TBC1D16: variants seen among roughly 807,000 people sequenced by gnomAD.
TBC1D16 encodes the protein TBC1 domain family member 16, also known as CTD-2529O21.1.
TBC1D16 carries 58 observed loss-of-function variants against 74.7 expected under a neutral mutation model. The observed-to-expected ratio is 0.78, with a 90% CI of 0.63 to 0.97. The LOEUF (loss-of-function observed/expected upper bound fraction) is 0.97. Among genes scored for constraint, TBC1D16 ranks in the 50% least tolerant of loss-of-function variants. The pLI is 0.00. For missense variants in TBC1D16, 1,014 were observed against 1,079.5 expected (o/e 0.94, Z 0.85); for synonymous variants, 493 against 474.7 (o/e 1.04, Z -0.50).
At position 79,937,483 on chromosome 17, in the gene TBC1D16, T is replaced by A. The variant is rs59203028; in HGVS notation, c.*3376A>T. The stretch of plus-strand genomic sequence containing the variant: ...GTGGAGGTCCTCTCCCTCCTGGACA[T>A]GGAAACCTCCCCCTGCCTGGCACTT... On this transcript the variant is annotated 3_prime_UTR_variant, in exon 12 of 12. Coordinates refer to ENST00000310924, the MANE Select transcript of TBC1D16 (RefSeq NM_019020.4). The A allele has an allele frequency of 0.13, 19,883 of 152,242 alleles. 1,596 individuals are homozygous for A. The highest frequency in any genetic ancestry group is 0.2 in the Middle Eastern group (58 of 294). The allele number at this position is 152,242 out of a possible 1,614,324, so 9.4% of individuals were successfully genotyped here.
chr17:79,942,304 G>C (rs746555216), intron 10 of TBC1D16, 98 bp from the exon 11 acceptor site: 58 of 1,330,452 alleles, frequency 4.4e-5, no homozygotes, highest in Non-Finnish European at 4.9e-5. Flanking sequence ...GAGGGCTCCA[G>C]GGCGAGGGGT....
intron 1 of TBC1D16, among the ~76,000 whole-genome samples, chr17:80,026,966 G>T (rs1297232015): frequency 7.2e-6 from 1 of 138,898 alleles, no homozygotes; most frequent in Non-Finnish European, 1.5e-5. Flanking sequence ...GCAGCCAGCA[G>T]AACTCCTAAG....
chr17:79,972,887 G>C (rs114633469), intron 3 of TBC1D16, among the ~76,000 whole-genome samples: 3,904 of 152,110 alleles, frequency 0.026, 151 homozygotes, highest in African/African-American at 0.088. Flanking sequence ...TTCGGGACCA[G>C]CCTGGGTAAC....
chr17:80,006,079 G>A (rs1227548090), intron 3 of TBC1D16, among the ~76,000 whole-genome samples: 2 of 152,146 alleles, frequency 1.3e-5, no homozygotes, highest in Non-Finnish European at 2.9e-5. Context: ...TCAGAGTGGC[G>A]ATGGGTGCAC....
At chr17:79,942,960 T>C (rs2143443043) in intron 10 of TBC1D16, among the ~76,000 whole-genome samples, 1 of 152,358 alleles carries the variant, frequency 6.6e-6, no homozygotes, top group Non-Finnish European at 1.5e-5. Flanking sequence ...CTGCATCCTG[T>C]GTGCTCTCCG....
At chr17:80,012,961 C>T (rs538917085) in intron 2 of TBC1D16, among the ~76,000 whole-genome samples, 1 of 152,212 alleles carries the variant, frequency 6.6e-6, no homozygotes, top group Middle Eastern at 3.2e-3. Flanking sequence ...CTCAGCCTCT[C>T]TGAACACCAG....
rs927675850 is a variant in TBC1D16 at position 79,940,457 on chromosome 17, A to G, written c.*402T>C. The G allele has an allele frequency of 9.2e-5, 15 of 163,540 alleles. No individual in the cohort carries two copies. Among genetic ancestry groups the G allele is most frequent in the Non-Finnish European group, 1.8e-4 (14 of 75,748 alleles). 10.1% of individuals were successfully genotyped at this position (163,540 alleles called of 1,614,324 possible). ...CGCTGTGTTCTGCAGCCCTCGACGC[A>G]GTGGGTGAGTGAGGCCTTCCTCTCC... On this transcript the variant is annotated 3_prime_UTR_variant, in exon 12 of 12. Coordinates refer to ENST00000310924, the MANE Select transcript of TBC1D16 (RefSeq NM_019020.4). This position sits in a 1 kb window ranked among gnomAD's most constrained non-coding sequence, Gnocchi z 5.4.
In TBC1D16 at chr17:79,954,975, G is replaced by A. The variant is rs1394696585; in HGVS notation, c.780-2157C>T. ...GTCACGGATGGAGGGCCCCCTCCCTGCTGCCGTGGCCACAGAAGACTGGTC... is the reference window on the plus strand; with the variant it reads ...GTCACGGATGGAGGGCCCCCTCCCTACTGCCGTGGCCACAGAAGACTGGTC... On this transcript the variant is annotated intron_variant, in intron 3 of 11. Transcript: ENST00000310924. The surrounding 1 kb of genome is among the most constrained non-coding windows in gnomAD (Gnocchi z 5.5). 6.6e-6 allele frequency among the ~76,000 whole-genome samples: 1 copy of A among 152,002 alleles called. No homozygotes were observed. Among genetic ancestry groups the A allele is most frequent in the Admixed American group, 6.5e-5 (1 of 15,276 alleles).
chr17:79,982,296 G>A (rs1045443022), intron 3 of TBC1D16, among the ~76,000 whole-genome samples: 25 of 151,344 alleles, frequency 1.7e-4, no homozygotes, highest in African/African-American at 6.1e-4. Flanking sequence ...ACATGCGCCC[G>A]CCATCAAGCC....
intron 3 of TBC1D16, among the ~76,000 whole-genome samples, chr17:80,002,041 G>A (rs1324434567): frequency 6.6e-6 from 1 of 152,188 alleles, no homozygotes; most frequent in African/African-American, 2.4e-5. Context: ...TGCCTGGAGG[G>A]TTGGGCAGAA....
chr17:80,024,180 C>T lies in TBC1D16; in HGVS notation c.-62-10571G>A. Among the ~76,000 whole-genome samples, 2 of 150,114 alleles carry T rather than the reference C, an allele frequency of 1.3e-5. 1 individual carries two copies. The highest frequency in any genetic ancestry group is 5.1e-5 in the African/African-American group (2 of 39,536). Reference sequence around the variant, plus strand: ...CCCAACCAGAGGCCCCACTTCAGCCCACCAGGCAGGACTGCAGCGGGGCAC... The same window carrying T: ...CCCAACCAGAGGCCCCACTTCAGCCTACCAGGCAGGACTGCAGCGGGGCAC... On this transcript the variant is annotated intron_variant, in intron 1 of 11. Coordinates refer to ENST00000310924, the MANE Select transcript of TBC1D16 (RefSeq NM_019020.4).
rs2035786018 is a variant in TBC1D16 at position 80,009,144 on chromosome 17, G to A, written c.779+1016C>T. ...AGCCCACGGTGTCCAGCGCCCAGGC[G>A]AGACCCAGACCACCCACGTCCAGCA... On this transcript the variant is annotated intron_variant, in intron 3 of 11. Transcript: ENST00000310924. The surrounding 1 kb of genome is among the most constrained non-coding windows in gnomAD (Gnocchi z 5.4). Among the ~76,000 whole-genome samples the A allele has an allele frequency of 6.6e-6, 1 of 152,238 alleles. No homozygotes were observed. The highest frequency in any genetic ancestry group is 1.5e-5 in the Non-Finnish European group (1 of 68,038).
At position 79,987,159 on chromosome 17, in the gene TBC1D16, C is replaced by T. The variant is rs1013190669; in HGVS notation, c.779+23001G>A. 5.9e-5 allele frequency among the ~76,000 whole-genome samples: 9 copies of T among 152,142 alleles called. No homozygotes were observed. Among genetic ancestry groups the T allele is most frequent in the Admixed American group, 5.9e-4 (9 of 15,278 alleles). ...TGGATGGTCTTTCCAGGCCCTCATCCCAAACTCAAGCACTGGAGAAAATTG... is the reference window on the plus strand; with the variant it reads ...TGGATGGTCTTTCCAGGCCCTCATCTCAAACTCAAGCACTGGAGAAAATTG... On this transcript the variant is annotated intron_variant, in intron 3 of 11. Transcript: ENST00000310924. The surrounding 1 kb of genome is among the most constrained non-coding windows in gnomAD (Gnocchi z 5.2).
intron 1 of TBC1D16, among the ~76,000 whole-genome samples, chr17:80,029,613 C>T (rs890340809): frequency 1.3e-5 from 2 of 152,152 alleles, no homozygotes; most frequent in African/African-American, 4.8e-5. Context: ...AAAAGAGAGT[C>T]CTCCTCAATG....
At chr17:80,017,067 C>T (rs1276008143) in intron 1 of TBC1D16, among the ~76,000 whole-genome samples, 1 of 152,140 alleles carries the variant, frequency 6.6e-6, no homozygotes, top group Non-Finnish European at 1.5e-5. Flanking sequence ...CTCATCCACT[C>T]AGCTCTCCCT....
chr17:80,025,080 T>TGACACACAAAC (rs1568649770), intron 1 of TBC1D16, among the ~76,000 whole-genome samples: 4 of 30,302 alleles, frequency 1.3e-4, no homozygotes, highest in African/African-American at 7.2e-4. Context: ...CACACACACA[T>TGACACACAAAC]ACCATGACAC....
At chr17:79,997,635 A>C (rs1464410360) in intron 3 of TBC1D16, among the ~76,000 whole-genome samples, 2 of 152,212 alleles carry the variant, frequency 1.3e-5, no homozygotes, top group Non-Finnish European at 2.9e-5. Context: ...GTTTCCCCTC[A>C]ATGTACACAC....
In TBC1D16 at chr17:79,946,324, G is replaced by A. The variant is rs79960741; in HGVS notation, c.1729-1237C>T. Reference sequence around the variant, plus strand: ...CCTCACATGCTCAGTTCACAGTAGGGTTCTCGCGTTCGAGCTTCTGTGAGA... The same window carrying A: ...CCTCACATGCTCAGTTCACAGTAGGATTCTCGCGTTCGAGCTTCTGTGAGA... On this transcript the variant is annotated intron_variant, in intron 9 of 11. Coordinates refer to ENST00000310924, the MANE Select transcript of TBC1D16 (RefSeq NM_019020.4). 3.4e-3 allele frequency among the ~76,000 whole-genome samples: 512 copies of A among 152,330 alleles called. 22 individuals are homozygous for A. The East Asian group carries it at 0.078, about 23-fold the overall frequency.
At position 79,990,348 on chromosome 17, in the gene TBC1D16, C is replaced by T. The variant is rs938387900; in HGVS notation, c.779+19812G>A. Among the ~76,000 whole-genome samples the T allele has an allele frequency of 6.6e-6, 1 of 152,234 alleles. No individual in the cohort carries two copies. The highest frequency in any genetic ancestry group is 2.4e-5 in the African/African-American group (1 of 41,460). ...CAGCACTCTGGCCACAGCGCAGCACCTGCCCCATGAGAGCCTCCTGTTGCA... is the reference window on the plus strand; with the variant it reads ...CAGCACTCTGGCCACAGCGCAGCACTTGCCCCATGAGAGCCTCCTGTTGCA... On this transcript the variant is annotated intron_variant, in intron 3 of 11. Coordinates refer to ENST00000310924, the MANE Select transcript of TBC1D16 (RefSeq NM_019020.4). This position sits in a 1 kb window ranked among gnomAD's most constrained non-coding sequence, Gnocchi z 4.8.
Sources: gnomAD v4.1 joint callset for allele counts (sites outside exome capture counted in the v4.1 genomes callset) on GRCh38, gnomAD v4.1.1 for gene constraint, Gnocchi (gnomAD v3.1) non-coding constraint, MANE v1.5 for transcripts, NCBI Gene and HGNC (gene_info 2026-07-23, HGNC 2026-07-21) for gene names.